Variants in OIP5 observed in about 807,000 individuals in gnomAD.
OIP5 encodes Opa interacting protein 5, also known as protein Mis18-beta.
A neutral mutation model predicts 20.3 loss-of-function variants in OIP5; 24 were observed. That is an observed-to-expected ratio of 1.18 (90% CI 0.86 to 1.66). The LOEUF is 1.66. Ranked by LOEUF, OIP5 falls within the 40% of genes most tolerant of loss-of-function variation. The pLI is 0.00. For synonymous variants in OIP5, 143 were observed against 121.3 expected (o/e 1.18, Z -1.17); for missense variants, 339 against 289.5 (o/e 1.17, Z -1.24).
intron 2 of OIP5, among the ~76,000 whole-genome samples, chr15:41,326,638 C>T (rs1038557287): frequency 4.6e-5 from 7 of 152,210 alleles, no homozygotes; most frequent in African/African-American, 1.4e-4. Flanking sequence ...GTTGGCCAGG[C>T]TGGTCTCGAA....
intron 2 of OIP5, among the ~76,000 whole-genome samples, chr15:41,324,735 C>T (rs1289339257): frequency 5.3e-5 from 8 of 152,146 alleles, no homozygotes; most frequent in Non-Finnish European, 7.3e-5. Flanking sequence ...GTGATCCACC[C>T]GCCTCAGTCT....
At chr15:41,311,730 C>T (rs1454038811) in intron 4 of OIP5, among the ~76,000 whole-genome samples, 2 of 151,922 alleles carry the variant, frequency 1.3e-5, no homozygotes, top group African/African-American at 2.4e-5. Context: ...CCTGCCACTG[C>T]GCCTGGCTAA....
intron 4 of OIP5, 29 bp from the exon 5 acceptor site, chr15:41,309,878 G>C: frequency 6.7e-7 from 1 of 1,488,332 alleles, no homozygotes; most frequent in Non-Finnish European, 9.3e-7. Context: ...AGATATCAGG[G>C]CATCTTTTTT....
chr15:41,322,438 GC>G (rs1345040711), intron 2 of OIP5, among the ~76,000 whole-genome samples: 2 of 151,742 alleles, frequency 1.3e-5, no homozygotes, highest in Non-Finnish European at 2.9e-5. Context: ...TTGCTCTGTC[GC>G]CCAGGTTAGA....
chr15:41,311,592 T>C (rs1234244340), intron 4 of OIP5, among the ~76,000 whole-genome samples: 3 of 152,126 alleles, frequency 2.0e-5, no homozygotes, highest in Admixed American at 6.6e-5. Context: ...ATTTTTGAAA[T>C]AGATTCTCAC....
At chr15:41,311,457 T>C (rs560405480) in intron 4 of OIP5, among the ~76,000 whole-genome samples, 1 of 152,248 alleles carries the variant, frequency 6.6e-6, no homozygotes, top group South Asian at 2.1e-4. Flanking sequence ...GCCATATACC[T>C]TGAAGAAAAT....
chr15:41,315,340 A>T (rs2047783118), intron 3 of OIP5, among the ~76,000 whole-genome samples: 1 of 151,608 alleles, frequency 6.6e-6, no homozygotes, highest in Non-Finnish European at 1.5e-5. Context: ...AAGGCAGGAG[A>T]ATCACTTGAA....
chr15:41,330,742 A>G (rs1042382633), intron 2 of OIP5, among the ~76,000 whole-genome samples: 1 of 152,178 alleles, frequency 6.6e-6, no homozygotes, highest in Non-Finnish European at 1.5e-5. Context: ...TTCTGTACTA[A>G]GTCTTTGAAA....
At chr15:41,316,234 C>A (rs1595499670) in intron 3 of OIP5, among the ~76,000 whole-genome samples, 1 of 152,054 alleles carries the variant, frequency 6.6e-6, no homozygotes. Flanking sequence ...TCACTTGAAC[C>A]CAGGAGGTGC....
chr15:41,310,162 G>C (rs895615296), intron 4 of OIP5, among the ~76,000 whole-genome samples: 1 of 152,148 alleles, frequency 6.6e-6, no homozygotes, highest in African/African-American at 2.4e-5. Context: ...CACCAAGATG[G>C]ATATCTGGGC....
At chr15:41,331,759 TACA>T (rs1567029949) in intron 2 of OIP5, among the ~76,000 whole-genome samples, 153 bp downstream of exon 2, 1 of 152,046 alleles carries the variant, frequency 6.6e-6, no homozygotes, top group Non-Finnish European at 1.5e-5. Flanking sequence ...AATACACAAA[TACA>T]ACTTTTTCAT....
intron 2 of OIP5, among the ~76,000 whole-genome samples, chr15:41,329,185 A>C (rs2047881518): frequency 6.6e-6 from 1 of 151,494 alleles, no homozygotes; most frequent in Non-Finnish European, 1.5e-5. Flanking sequence ...GACCCCATCT[A>C]GGTAATGAAC....
At chr15:41,320,006 G>A (rs1046464645) in intron 2 of OIP5, among the ~76,000 whole-genome samples, 1 of 152,072 alleles carries the variant, frequency 6.6e-6, no homozygotes. Context: ...AAGCAATCAT[G>A]GATGTATAAT....
intron 2 of OIP5, among the ~76,000 whole-genome samples, chr15:41,323,985 C>CTTTTTTT (rs869073906): frequency 2.8e-5 from 3 of 107,040 alleles, no homozygotes; most frequent in Non-Finnish European, 3.7e-5. Flanking sequence ...CCAACCTCTG[C>CTTTTTTT]TTTTTTTTTT....
intron 2 of OIP5, among the ~76,000 whole-genome samples, chr15:41,326,685 C>T (rs1159697764): frequency 6.6e-6 from 1 of 152,190 alleles, no homozygotes; most frequent in Non-Finnish European, 1.5e-5. Flanking sequence ...CTAGGCCTTC[C>T]AAAGTGCCGG....
At chr15:41,312,849 C>A (rs139319265) in intron 4 of OIP5, among the ~76,000 whole-genome samples, 32 of 151,384 alleles carry the variant, frequency 2.1e-4, no homozygotes, top group African/African-American at 7.8e-4. Context: ...AGGATGGTCT[C>A]CATCTCCTGA....
intron 2 of OIP5, among the ~76,000 whole-genome samples, chr15:41,320,170 G>A (rs1417304337): frequency 6.6e-6 from 1 of 151,992 alleles, no homozygotes; most frequent in East Asian, 1.9e-4. Flanking sequence ...AGTTGACTGG[G>A]GCCTTACTAA....
chr15:41,313,186 C>T lies in OIP5; in HGVS notation c.594+87G>A, dbSNP rs2047769599. 6.2e-6 allele frequency: 5 copies of T among 800,818 alleles called. No homozygotes were observed. The South Asian group carries it at 7.3e-5, about 12-fold the overall frequency. The allele number at this position is 800,818 out of a possible 1,614,324, so 49.6% of individuals were successfully genotyped here. On this transcript the variant is annotated intron_variant, in intron 4 of 4. Coordinates refer to ENST00000220514, the MANE Select transcript of OIP5 (RefSeq NM_007280.2). ...GTAAAAAGGATTATTGAGCATCATG[C>T]CATTTCATCATCCCCAAGTTCATTG...
Position 41,332,259 on chromosome 15 carries a change from GAGGGACCGCGACAGGTCCC to G in OIP5, c.284_302del (p.Trp95SerfsTer20). 6 of 1,550,426 alleles carry G rather than the reference GAGGGACCGCGACAGGTCCC, an allele frequency of 3.9e-6. No homozygotes were observed. The highest frequency in any genetic ancestry group is 4.3e-6 in the Non-Finnish European group (5 of 1,149,798). On this transcript the variant is annotated frameshift_variant, in exon 1 of 5. Transcript: ENST00000220514. LOFTEE classifies it high-confidence loss of function. ...ACTCACTGGAGAAGACCACGGCCCC[GAGGGACCGCGACAGGTCCC>G]AGGCGAGGTGCACCGAGTCGGCGAG...
Sources: allele counts gnomAD v4.1 joint callset (sites outside exome capture counted in the v4.1 genomes callset), GRCh38; gene constraint gnomAD v4.1.1; transcripts MANE v1.5; gene names NCBI Gene and HGNC (gene_info 2026-07-23, HGNC 2026-07-21).